Variants in ESR1 observed in about 807,000 individuals in gnomAD.
ESR1 encodes estrogen receptor.
In ESR1, 12 loss-of-function variants were observed where a neutral mutation model predicts 52.7. The observed-to-expected ratio is 0.23, with a 90% confidence interval of 0.15 to 0.37. ESR1 has a LOEUF of 0.37. Ranked by LOEUF, ESR1 falls within the 10% of genes least tolerant of loss-of-function variation. The probability of loss-of-function intolerance (pLI) is 1.00; values close to 1 mark genes in which losing one functional copy is unlikely to be tolerated. For missense variants in ESR1, 584 were observed against 779.7 expected (o/e 0.75, Z 2.99); for synonymous variants, 305 against 316.8 (o/e 0.96, Z 0.39).
At position 151,660,726 on chromosome 6, in the gene ESR1, G is replaced by A. The variant is rs1246783842; in HGVS notation, n.73+3963G>A. Among the ~76,000 whole-genome samples, 4 of 152,100 alleles carry A rather than the reference G, an allele frequency of 2.6e-5. No individual in the cohort carries two copies. In the East Asian group the frequency reaches 5.8e-4, roughly 22 times the overall value. On this transcript the variant is annotated intron_variant and non_coding_transcript_variant, in intron 1 of 2. Coordinates refer to the ESR1 transcript ENST00000473497. The stretch of plus-strand genomic sequence containing the variant: ...ATATGTTATGTAGACTCTTTTGTAT[G>A]TATATTTAACTCACAATAAATATTT...
intron 3 of ESR1, among the ~76,000 whole-genome samples, chr6:151,885,418 C>A (rs978893328): frequency 6.6e-6 from 1 of 152,170 alleles, no homozygotes; most frequent in African/African-American, 2.4e-5. Context: ...TATTATTACT[C>A]AAGAATGTGG....
chr6:151,943,967 G>A (rs1015122516), intron 3 of ESR1, among the ~76,000 whole-genome samples: 6 of 152,104 alleles, frequency 3.9e-5, no homozygotes, highest in African/African-American at 1.4e-4. Context: ...TGTTATGGTG[G>A]TAGTATTTAC....
At chr6:151,945,721 A>G (rs74336676) in intron 4 of ESR1, among the ~76,000 whole-genome samples, 3,811 of 152,336 alleles carry the variant, frequency 0.025, 153 homozygotes, top group African/African-American at 0.086. Context: ...AATGTTTTAT[A>G]TGAAACTAAA....
intron 2 of ESR1, among the ~76,000 whole-genome samples, chr6:151,857,492 C>CA (rs201702606): frequency 0.013 from 1,927 of 143,340 alleles, 21 homozygotes; most frequent in Admixed American, 0.033. Context: ...CACCCACCCA[C>CA]CCACACACAC....
chr6:152,082,935 T>C (rs1242953845), intron 6 of ESR1, among the ~76,000 whole-genome samples: 1 of 152,162 alleles, frequency 6.6e-6, no homozygotes, highest in African/African-American at 2.4e-5. Flanking sequence ...CAAGGAGAAC[T>C]ACAAACCACT....
chr6:151,907,152 A>G (rs779820136), intron 3 of ESR1, among the ~76,000 whole-genome samples: 2 of 152,024 alleles, frequency 1.3e-5, no homozygotes, highest in Non-Finnish European at 2.9e-5. Context: ...CTTTATAATT[A>G]CTTTGACTTT....
chr6:151,870,231 G>A (rs1204800573), intron 2 of ESR1, among the ~76,000 whole-genome samples: 1 of 151,876 alleles, frequency 6.6e-6, no homozygotes, highest in African/African-American at 2.4e-5. Context: ...TATGTGGAAA[G>A]GTTTTCCAGA....
At chr6:151,853,001 G>A (rs1016041233) in intron 2 of ESR1, among the ~76,000 whole-genome samples, 1 of 151,122 alleles carries the variant, frequency 6.6e-6, no homozygotes, top group Non-Finnish European at 1.5e-5. Context: ...ATGAAACCCC[G>A]TCTCTACTAA....
chr6:151,986,150 CCTT>C (rs1384439492), intron 4 of ESR1, among the ~76,000 whole-genome samples: 1 of 152,006 alleles, frequency 6.6e-6, no homozygotes, highest in Non-Finnish European at 1.5e-5. Flanking sequence ...ATGTGACTGT[CCTT>C]CTTCATCTTC....
chr6:151,685,598 C>T (rs896717835), upstream of ESR1, among the ~76,000 whole-genome samples: 2 of 152,052 alleles, frequency 1.3e-5, no homozygotes, highest in African/African-American at 4.8e-5. Flanking sequence ...ATCTGGTGAT[C>T]GAGATGTCTG....
At chr6:151,898,873 A>G (rs1584049502) in intron 3 of ESR1, among the ~76,000 whole-genome samples, 1 of 152,020 alleles carries the variant, frequency 6.6e-6, no homozygotes, top group South Asian at 2.1e-4. Flanking sequence ...ATTCCACAAA[A>G]CTGCCATTGT....
chr6:151,701,985 G>A (rs550176370), exon 2 of ESR1: 1 of 152,210 alleles, frequency 6.6e-6, no homozygotes, highest in Non-Finnish European at 1.5e-5. Flanking sequence ...ATTTTAATCT[G>A]AACTTTGAAC....
chr6:151,686,251 T>A (rs1452729455), upstream of ESR1, among the ~76,000 whole-genome samples: 1 of 152,076 alleles, frequency 6.6e-6, no homozygotes, highest in Non-Finnish European at 1.5e-5. Context: ...CCTATAAGCT[T>A]GAACTAGGGC....
chr6:151,802,504 G>A (rs903675135), upstream of ESR1, among the ~76,000 whole-genome samples: 8 of 152,140 alleles, frequency 5.3e-5, no homozygotes, highest in Non-Finnish European at 1.0e-4. Context: ...AATGTAAAAT[G>A]CTTTTAATGG....
intron 5 of ESR1, among the ~76,000 whole-genome samples, chr6:152,030,921 A>G (rs1318411563): frequency 2.0e-5 from 3 of 152,200 alleles, no homozygotes; most frequent in Non-Finnish European, 4.4e-5. Context: ...AAAAGAACAG[A>G]AATTATAACA....
chr6:151,900,815 T>C (rs1383130497), intron 3 of ESR1, among the ~76,000 whole-genome samples: 1 of 152,140 alleles, frequency 6.6e-6, no homozygotes, highest in Non-Finnish European at 1.5e-5. Flanking sequence ...TCTCACAGCG[T>C]TGGATTCCAG....
chr6:151,950,324 G>C (rs1238853097), intron 4 of ESR1, among the ~76,000 whole-genome samples: 1 of 152,178 alleles, frequency 6.6e-6, no homozygotes, highest in Non-Finnish European at 1.5e-5. Flanking sequence ...GCACCCTGTG[G>C]GGAATGTTGG....
rs1339584957 is a variant in ESR1, at chr6:152,125,167, T to C, written c.851-99T>C. The C allele has an allele frequency of 1.3e-5, 18 of 1,414,970 alleles. No homozygotes were observed. In the Admixed American group the frequency reaches 4.0e-4, roughly 31 times the overall value. The allele number at this position is 1,414,970 out of a possible 1,614,324, so 87.7% of individuals were successfully genotyped here. On this transcript the variant is annotated intron_variant, in intron 6 of 6. Transcript: ENST00000427531. ...AAGAGGCCTAGCAGGGACTCAGGCT[T>C]CCAAAATCCCTGCCCACCGCACTCT...
chr6:151,741,809 A>G (rs1320849386), intron 2 of ESR1, among the ~76,000 whole-genome samples: 1 of 152,200 alleles, frequency 6.6e-6, no homozygotes, highest in Non-Finnish European at 1.5e-5. Flanking sequence ...CTACGCATGG[A>G]GCAAAAATGC....
Sources: allele counts gnomAD v4.1 joint callset (sites outside exome capture counted in the v4.1 genomes callset), GRCh38; gene constraint gnomAD v4.1.1; transcripts MANE v1.5; gene names NCBI Gene and HGNC (gene_info 2026-07-23, HGNC 2026-07-21).